RIIAD1: variants seen among roughly 807,000 people sequenced by gnomAD.
The protein encoded by RIIAD1 is RIIa domain-containing protein 1.
RIIAD1 carries 15 observed loss-of-function variants against 13.3 expected under a neutral mutation model. The observed-to-expected ratio is 1.13, with a 90% CI of 0.76 to 1.74. The LOEUF is 1.74. RIIAD1 is among the 40% of genes most tolerant of loss of function. RIIAD1 has a pLI of 0.00. For missense variants in RIIAD1, 121 were observed against 112.2 expected (o/e 1.08, Z -0.35); for synonymous variants, 50 against 43.3 (o/e 1.16, Z -0.61).
chr1:151,727,722 G>A (rs1673858962), intron 3 of RIIAD1, 101 bp downstream of exon 3: 2 of 784,668 alleles, frequency 2.5e-6, no homozygotes, highest in Non-Finnish European at 4.3e-6. Context: ...CCCAGAGTCT[G>A]GGGTACTCCT....
intron 3 of RIIAD1, among the ~76,000 whole-genome samples, chr1:151,713,893 A>G (rs951812214): frequency 3.3e-5 from 5 of 152,128 alleles, no homozygotes; most frequent in Non-Finnish European, 7.4e-5. Context: ...ACACAAAGAG[A>G]TAGGACCTTG....
intron 2 of RIIAD1, chr1:151,713,422 A>C (rs1242476580): frequency 2.0e-5 from 3 of 152,282 alleles, no homozygotes; most frequent in Non-Finnish European, 4.4e-5. Flanking sequence ...TCTCCACTCC[A>C]GTCCTCTTTA....
intron 2 of RIIAD1, among the ~76,000 whole-genome samples, chr1:151,726,546 C>T (rs1416647459): frequency 6.6e-6 from 1 of 152,152 alleles, no homozygotes. Flanking sequence ...AGGGCACTGA[C>T]CTTGGAGTCA....
intron 2 of RIIAD1, among the ~76,000 whole-genome samples, chr1:151,712,622 C>G (rs989536856): frequency 1.3e-5 from 2 of 152,224 alleles, no homozygotes; most frequent in Admixed American, 1.3e-4. Context: ...ATTCAGGGAC[C>G]TGTGGCAGAG....
chr1:151,722,014 C>T (rs1331501448), intron 1 of RIIAD1, 72 bp from the exon 2 acceptor site: 2 of 1,074,234 alleles, frequency 1.9e-6, no homozygotes, highest in African/African-American at 3.2e-5. Context: ...TTTCCCGCAG[C>T]CCTTCACATC....
At chr1:151,719,962 T>C (rs1673706497), upstream of RIIAD1, among the ~76,000 whole-genome samples, 2 of 152,316 alleles carry the variant, frequency 1.3e-5, no homozygotes, top group East Asian at 3.9e-4. Context: ...TTGTCTAATA[T>C]AATACAAGCC....
intron 3 of RIIAD1, chr1:151,728,424 C>A (rs1226349838): frequency 2.6e-5 from 8 of 311,310 alleles, no homozygotes; most frequent in Non-Finnish European, 4.7e-5. Flanking sequence ...CCTGAGCCCT[C>A]TGATGGCTCT....
Position 151,722,179 on chromosome 1 carries a change from G to C in RIIAD1, c.161+17G>C. 6.6e-7 allele frequency: 1 copy of C among 1,513,552 alleles called. No individual in the cohort carries two copies. The highest frequency in any genetic ancestry group is 9.0e-7 in the Non-Finnish European group (1 of 1,112,440). The allele number at this position is 1,513,552 out of a possible 1,614,324, so 93.8% of individuals were successfully genotyped here. A position where few individuals can be genotyped will look rare whatever the true frequency, so the allele number is the denominator to read the frequency against. On this transcript the variant is annotated intron_variant, in intron 2 of 4. Transcript: ENST00000479191. ...TTTCTTCAGGTAGGTGGTTTTCCAG[G>C]CTCTGGGATTTGTGGCACGCAGGGT...
intron 2 of RIIAD1, 104 bp from the exon 3 acceptor site, chr1:151,727,471 G>A (rs1673852638): frequency 1.3e-6 from 1 of 767,622 alleles, no homozygotes; most frequent in African/African-American, 1.7e-5. Flanking sequence ...TCCCAAGATG[G>A]TTGTGTCTCA....
chr1:151,720,958 CA>C (rs1166200795), upstream of RIIAD1, among the ~76,000 whole-genome samples: 1 of 152,158 alleles, frequency 6.6e-6, no homozygotes, highest in Non-Finnish European at 1.5e-5. Flanking sequence ...TTAATCTACA[CA>C]AAAAAGTCAG....
chr1:151,715,324 C>T (rs1344854076), intron 4 of RIIAD1, among the ~76,000 whole-genome samples: 1 of 152,070 alleles, frequency 6.6e-6, no homozygotes, highest in Non-Finnish European at 1.5e-5. Context: ...ACTCTCTTAA[C>T]TTTCTAAGCC....
At chr1:151,728,453 A>T in intron 3 of RIIAD1, 1 of 355,834 alleles carries the variant, frequency 2.8e-6, no homozygotes, top group Non-Finnish European at 4.9e-6. Flanking sequence ...CAGCAGGCGG[A>T]GGAGCAAACG....
intron 2 of RIIAD1, 37 bp downstream of exon 2, chr1:151,722,199 C>T (rs1441498036): frequency 3.0e-6 from 4 of 1,330,580 alleles, no homozygotes; most frequent in Non-Finnish European, 3.2e-6. Flanking sequence ...TTGTGGCACG[C>T]AGGGTTTTCT....
At chr1:151,715,449 C>T (rs1673396538) in intron 4 of RIIAD1, among the ~76,000 whole-genome samples, 1 of 152,054 alleles carries the variant, frequency 6.6e-6, no homozygotes, top group Non-Finnish European at 1.5e-5. Flanking sequence ...CCACATTGAA[C>T]ACCTGACCCT....
At chr1:151,715,968 A>G in intron 4 of RIIAD1, 1 of 1,614,170 alleles carries the variant, frequency 6.2e-7, no homozygotes, top group Non-Finnish European at 8.5e-7. Flanking sequence ...CTTCTCCTCC[A>G]GATGCCTCGG....
chr1:151,714,731 C>T, intron 4 of RIIAD1: 1 of 1,254,984 alleles, frequency 8.0e-7, no homozygotes. Flanking sequence ...TCCATCTCCC[C>T]TCTCTGAAAG....
rs933104159 is a variant in RIIAD1, at chr1:151,722,107, G to A, written c.106G>A (p.Glu36Lys). 198 of 1,551,162 alleles carry A rather than the reference G, an allele frequency of 1.3e-4. No homozygotes were observed. Among genetic ancestry groups the A allele is most frequent in the Non-Finnish European group, 1.7e-4 (192 of 1,146,694 alleles). The change falls in exon 2 of 5, where the codon GAA becomes AAA. Residue 36 changes from glutamate to lysine, a missense_variant. Transcript: ENST00000479191. ...CCAGATTCAGACTCGGATTGCTAAC[G>A]AAAAGTACCTAAGGACCCACAAAGA... ...KFKIQTRIAN[E>K]KYLRTHKEVE...
upstream of RIIAD1, chr1:151,721,510 G>A (rs1445394218): frequency 1.6e-6 from 2 of 1,286,800 alleles, no homozygotes; most frequent in Non-Finnish European, 2.0e-6. Context: ...CCGGCTCGCG[G>A]CCGGTCGCCT....
At chr1:151,726,506 G>A (rs1470586428) in intron 2 of RIIAD1, among the ~76,000 whole-genome samples, 1 of 152,174 alleles carries the variant, frequency 6.6e-6, no homozygotes, top group Non-Finnish European at 1.5e-5. Context: ...TGGGGAGTTG[G>A]GAGGCCTTGG....
Sources: allele counts gnomAD v4.1 joint callset (sites outside exome capture counted in the v4.1 genomes callset), GRCh38; gene constraint gnomAD v4.1.1; transcripts MANE v1.5; gene names NCBI Gene and HGNC (gene_info 2026-07-23, HGNC 2026-07-21).